Variants in CUX1 observed in about 807,000 individuals in gnomAD.
The protein encoded by CUX1 is protein CASP.
A neutral mutation model predicts 158.8 loss-of-function variants in CUX1; 31 were observed. That is an observed-to-expected ratio of 0.20 (90% CI 0.15 to 0.26). The LOEUF is 0.26. Among genes scored for constraint, CUX1 ranks in the 10% least tolerant of loss-of-function variants. The pLI, the probability that CUX1 is intolerant of heterozygous loss-of-function variation, is 1.00. For missense variants in CUX1, 1,589 were observed against 2,014.6 expected (o/e 0.79, Z 4.04); for synonymous variants, 879 against 862.1 (o/e 1.02, Z -0.34).
At chr7:101,964,806 G>A (rs1172297062) in intron 2 of CUX1, among the ~76,000 whole-genome samples, 2 of 152,212 alleles carry the variant, frequency 1.3e-5, no homozygotes, top group Non-Finnish European at 2.9e-5. Flanking sequence ...CTTAATTGGA[G>A]GATGGTTGCA....
chr7:102,059,783 G>C (rs532431711), intron 3 of CUX1, among the ~76,000 whole-genome samples: 1 of 152,216 alleles, frequency 6.6e-6, no homozygotes, highest in Admixed American at 6.5e-5. Flanking sequence ...TCTACAGCCA[G>C]ACTTCGAGTG....
chr7:102,017,121 C>T (rs376722569), intron 2 of CUX1, among the ~76,000 whole-genome samples: 13 of 151,552 alleles, frequency 8.6e-5, no homozygotes, highest in African/African-American at 2.7e-4. Context: ...CTGGCCAACA[C>T]GGTGAAACCT....
chr7:102,234,744 A>C (rs1799360116), intron 22 of CUX1, among the ~76,000 whole-genome samples: 3 of 144,874 alleles, frequency 2.1e-5, no homozygotes, highest in African/African-American at 7.7e-5. Context: ...ACATGGCAAA[A>C]CCCCCTCACT....
chr7:102,241,874 G>A (rs1800256287), intron 23 of CUX1, among the ~76,000 whole-genome samples: 1 of 152,248 alleles, frequency 6.6e-6, no homozygotes, highest in Non-Finnish European at 1.5e-5. Flanking sequence ...GGAGGCTGAG[G>A]TGGGAGGATC....
rs60400914 is a variant in CUX1 at position 102,208,237 on chromosome 7, A to AGT, written c.3130+3086_3130+3087dup. 3.5e-3 allele frequency among the ~76,000 whole-genome samples: 530 copies of AGT among 151,072 alleles called. 4 individuals carry two copies. The highest frequency in any genetic ancestry group is 5.9e-3 in the Non-Finnish European group (397 of 67,644). On this transcript the variant is annotated intron_variant, in intron 20 of 23. Coordinates refer to ENST00000292535, the MANE Select transcript of CUX1 (RefSeq NM_181552.4). ...AAAAAGCTATGTTCACAGTATATGGAGTGTGTGTGTGTGTGTGTGTCTGTG... is the reference window on the plus strand; with the variant it reads ...AAAAAGCTATGTTCACAGTATATGGAGTGTGTGTGTGTGTGTGTGTGTCTGTG...
At chr7:102,212,402 G>C (rs1357126075) in intron 20 of CUX1, among the ~76,000 whole-genome samples, 9 of 152,168 alleles carry the variant, frequency 5.9e-5, no homozygotes, top group Admixed American at 2.0e-4. Flanking sequence ...CCTTGGGGAA[G>C]GCTGCTTTGC....
intron 20 of CUX1, among the ~76,000 whole-genome samples, chr7:102,209,026 G>A (rs150724085): frequency 9.0e-4 from 137 of 152,296 alleles, no homozygotes; most frequent in African/African-American, 3.2e-3. Context: ...CGGAGTCCGT[G>A]GGGGCGGATG....
chr7:101,963,333 C>G (rs912701391), intron 2 of CUX1, among the ~76,000 whole-genome samples: 2 of 152,358 alleles, frequency 1.3e-5, no homozygotes, highest in Non-Finnish European at 2.9e-5. Flanking sequence ...TCCGTCCACT[C>G]CTGTATTCCA....
chr7:101,994,495 G>T (rs1815563146), intron 2 of CUX1, among the ~76,000 whole-genome samples: 1 of 152,196 alleles, frequency 6.6e-6, no homozygotes, highest in Non-Finnish European at 1.5e-5. Flanking sequence ...CAGCTACTCG[G>T]GAGGCTGAGG....
chr7:102,220,310 G>C (rs149199235), intron 20 of CUX1, among the ~76,000 whole-genome samples: 4 of 152,198 alleles, frequency 2.6e-5, no homozygotes, highest in Non-Finnish European at 5.9e-5. Context: ...GCAGTTAGCC[G>C]AGATTGCACC....
intron 9 of CUX1, among the ~76,000 whole-genome samples, chr7:102,168,763 A>G (rs1791337979): frequency 6.6e-6 from 1 of 151,898 alleles, no homozygotes; most frequent in South Asian, 2.1e-4. Flanking sequence ...TAGATTAATC[A>G]GCCAGTTCCA....
At position 102,197,193 on chromosome 7, in the gene CUX1, G is replaced by A; in HGVS notation, c.1782G>A (p.Lys594=). The A allele has an allele frequency of 6.2e-7, 1 of 1,614,244 alleles. No homozygotes were observed. Among genetic ancestry groups the A allele is most frequent in the Non-Finnish European group, 8.5e-7 (1 of 1,180,052 alleles). The change falls in exon 15 of 24, where the codon AAG becomes AAA. Residue 594 remains lysine (K), a synonymous_variant. Coordinates refer to ENST00000292535, the MANE Select transcript of CUX1 (RefSeq NM_181552.4). ...TGAGCGAGATTCTGGCCCGGCCCAA[G>A]CCATGGAATAAACTGACTGTTCGTG... ...GSVSEILARP[K]PWNKLTVRGK...
At chr7:101,938,305 A>G (rs1456883982) in intron 2 of CUX1, among the ~76,000 whole-genome samples, 2 of 151,902 alleles carry the variant, frequency 1.3e-5, no homozygotes, top group East Asian at 1.9e-4. Flanking sequence ...GGGTCTCGCT[A>G]TGTTGCCCAG....
At position 102,257,062 on chromosome 7, in the gene CUX1, A is replaced by G; in HGVS notation, c.*8020A>G. The G allele has an allele frequency of 5.1e-6, 5 of 985,418 alleles. No individual in the cohort carries two copies. In the South Asian group the frequency reaches 2.4e-4, roughly 46 times the overall value. The allele number at this position is 985,418 out of a possible 1,614,324, so 61.0% of individuals were successfully genotyped here. A position where few individuals can be genotyped will look rare whatever the true frequency, so the allele number is the denominator to read the frequency against. ...TGCTGTGGCCCCAAGCTCAGCCAGC[A>G]GGACACCCAGTTGTTGCCAATCAGG... On this transcript the variant is annotated 3_prime_UTR_variant, in exon 24 of 24. Transcript: ENST00000292535.
rs558024606 is a variant in CUX1, at chr7:102,101,428, G to A, written c.407-2908G>A. Among the ~76,000 whole-genome samples, 9 of 152,276 alleles carry A rather than the reference G, an allele frequency of 5.9e-5. No homozygotes were observed. In the South Asian group the frequency reaches 1.9e-3, roughly 32 times the overall value. On this transcript the variant is annotated intron_variant, in intron 5 of 23. Transcript: ENST00000292535. ...TGGGCCAGAAGGCCAGAGGCGCTAG[G>A]ATAAAGTGGCCTCTGGCTGAGGTTG... is the stretch of plus-strand genomic sequence containing the variant.
intron 8 of CUX1, among the ~76,000 whole-genome samples, chr7:102,123,128 G>A (rs897527414): frequency 6.6e-6 from 1 of 152,036 alleles, no homozygotes; most frequent in Admixed American, 6.6e-5. Flanking sequence ...CTACACGGGA[G>A]GCTAAGGTAG....
At chr7:102,276,264 G>A (rs1024356663) in intron 17 of CUX1, among the ~76,000 whole-genome samples, 2 of 152,066 alleles carry the variant, frequency 1.3e-5, no homozygotes, top group South Asian at 2.1e-4. Context: ...TAGAGGAAGC[G>A]TCATACTGCC....
At chr7:102,094,253 G>C (rs1360258753) in intron 4 of CUX1, among the ~76,000 whole-genome samples, 1 of 152,226 alleles carries the variant, frequency 6.6e-6, no homozygotes, top group African/African-American at 2.4e-5. Context: ...TAGGCATTTA[G>C]CCATTCAACT....
intron 17 of CUX1, among the ~76,000 whole-genome samples, chr7:102,277,183 A>T (rs1791666531): frequency 6.6e-6 from 1 of 152,132 alleles, no homozygotes; most frequent in Non-Finnish European, 1.5e-5. Flanking sequence ...CTATAGTCCC[A>T]GCTACCTGGG....
Sources: gnomAD v4.1 joint callset for allele counts (sites outside exome capture counted in the v4.1 genomes callset) on GRCh38, gnomAD v4.1.1 for gene constraint, MANE v1.5 for transcripts, NCBI Gene and HGNC (gene_info 2026-07-23, HGNC 2026-07-21) for gene names.